Variants in TM4SF4 observed in about 807,000 individuals in gnomAD.
TM4SF4 encodes transmembrane 4 L six family member 4.
Under a neutral mutation model 24.1 loss-of-function variants are expected in TM4SF4, and 24 were observed. The observed-to-expected ratio is 1.00, with a 90% CI of 0.72 to 1.40. The LOEUF (loss-of-function observed/expected upper bound fraction) is 1.40, where lower values mean the gene tolerates loss of function less well. Among genes scored for constraint, TM4SF4 ranks in the 40% most tolerant of loss-of-function variants. The pLI, the probability that TM4SF4 is intolerant of heterozygous loss-of-function variation, is 0.00. For missense variants in TM4SF4, 254 were observed against 254.2 expected (o/e 1.00, Z 0.01); for synonymous variants, 113 against 97.0 (o/e 1.17, Z -0.97).
chr3:149,497,555 A>G (rs1382539473), intron 3 of TM4SF4, among the ~76,000 whole-genome samples: 1 of 152,222 alleles, frequency 6.6e-6, no homozygotes, highest in African/African-American at 2.4e-5. Context: ...AAGAATGTAA[A>G]GAGTCATAAT....
chr3:149,475,093 C>T, intron 1 of TM4SF4, 42 bp downstream of exon 1: 4 of 1,568,910 alleles, frequency 2.5e-6, no homozygotes, highest in Non-Finnish European at 2.6e-6. Flanking sequence ...GAGATTTTCC[C>T]TTCCCCACAA....
intron 3 of TM4SF4, among the ~76,000 whole-genome samples, chr3:149,493,058 T>C (rs928897589): frequency 1.3e-5 from 2 of 152,134 alleles, no homozygotes; most frequent in African/African-American, 4.8e-5. Flanking sequence ...CAGGTAAGAG[T>C]AAATAACACA....
intron 3 of TM4SF4, among the ~76,000 whole-genome samples, chr3:149,488,795 C>T (rs1283398135): frequency 6.6e-5 from 10 of 152,146 alleles, no homozygotes; most frequent in Admixed American, 3.3e-4. Flanking sequence ...CTCTGCCTGA[C>T]AGTGACTGGC....
At chr3:149,479,302 G>A (rs1387629430) in intron 2 of TM4SF4, among the ~76,000 whole-genome samples, 1 of 151,544 alleles carries the variant, frequency 6.6e-6, no homozygotes, top group Admixed American at 6.6e-5. Flanking sequence ...ACTCTTGTTT[G>A]CTTAATGTTA....
intron 2 of TM4SF4, among the ~76,000 whole-genome samples, chr3:149,484,583 G>T (rs1297526935): frequency 6.9e-6 from 1 of 144,740 alleles, no homozygotes; most frequent in Non-Finnish European, 1.5e-5. Context: ...GCGGAGTCTC[G>T]TTCTGTTGCC....
intron 2 of TM4SF4, among the ~76,000 whole-genome samples, chr3:149,476,792 G>GTTTTT (rs1222196664): frequency 9.7e-6 from 1 of 102,854 alleles, no homozygotes; most frequent in Non-Finnish European, 2.2e-5. Context: ...TTTCTTTTCT[G>GTTTTT]TTTTTTTTTG....
chr3:149,487,420 T>C (rs1276064552), intron 2 of TM4SF4, among the ~76,000 whole-genome samples, 199 bp from the exon 3 acceptor site: 1 of 151,732 alleles, frequency 6.6e-6, no homozygotes, highest in East Asian at 1.9e-4. Flanking sequence ...GAAAAAGAAA[T>C]GGAAATGGGA....
intron 2 of TM4SF4, among the ~76,000 whole-genome samples, chr3:149,483,731 T>C (rs1326208546): frequency 6.6e-6 from 1 of 152,160 alleles, no homozygotes; most frequent in Non-Finnish European, 1.5e-5. Flanking sequence ...TTATATAAAA[T>C]ATGAAATAAT....
At chr3:149,475,775 C>T in intron 1 of TM4SF4, 48 bp from the exon 2 acceptor site, 1 of 1,526,516 alleles carries the variant, frequency 6.6e-7, no homozygotes, top group Non-Finnish European at 8.9e-7. Flanking sequence ...GGCTCGGGCC[C>T]TCCCTTCAAC....
chr3:149,495,515 C>A, intron 3 of TM4SF4: 1 of 411,722 alleles, frequency 2.4e-6, no homozygotes, highest in South Asian at 2.3e-5. Context: ...TGAAATGCAC[C>A]ATGTTGCAAG....
At chr3:149,487,981 G>A (rs1012540468) in intron 3 of TM4SF4, among the ~76,000 whole-genome samples, 5 of 152,184 alleles carry the variant, frequency 3.3e-5, no homozygotes, top group African/African-American at 7.2e-5. Flanking sequence ...AAAAGAGGAC[G>A]GATGCCTCCT....
At position 149,479,529 on chromosome 3, in the gene TM4SF4, G is replaced by A. The variant is rs1478171947; in HGVS notation, c.264+3617G>A. 4.6e-5 allele frequency among the ~76,000 whole-genome samples: 7 copies of A among 152,076 alleles called. No individual in the cohort carries two copies. In the East Asian group the frequency reaches 1.4e-3, roughly 29 times the overall value. Reference sequence around the variant, plus strand: ...ACCTGGCTAATCATTTCTCCAAAATGAGGTATTTGCATTTTGTCAGACAAG... The same window carrying A: ...ACCTGGCTAATCATTTCTCCAAAATAAGGTATTTGCATTTTGTCAGACAAG... On this transcript the variant is annotated intron_variant, in intron 2 of 4. Coordinates refer to ENST00000305354, the MANE Select transcript of TM4SF4 (RefSeq NM_004617.4).
intron 2 of TM4SF4, among the ~76,000 whole-genome samples, chr3:149,476,808 G>T (rs140476207): frequency 0.019 from 891 of 47,042 alleles, 32 homozygotes; most frequent in Middle Eastern, 0.051. Flanking sequence ...TTTTGTTTTT[G>T]TTTTTGTTTT....
rs377610912 is a variant in TM4SF4, at chr3:149,476,019, TG to T, written c.264+110del. 21 of 895,240 alleles carry T rather than the reference TG, an allele frequency of 2.3e-5. No homozygotes were observed. In the African/African-American group the frequency reaches 3.1e-4, roughly 13 times the overall value. 55.5% of individuals were successfully genotyped at this position (895,240 alleles called of 1,614,324 possible). On this transcript the variant is annotated intron_variant, in intron 2 of 4. Coordinates refer to ENST00000305354, the MANE Select transcript of TM4SF4 (RefSeq NM_004617.4). ...AAGTTATCAGCTCCAGCCAGGACTC[TG>T]GGAGCAGCTGGTGAAGGGATAAAAC...
At chr3:149,484,694 G>A (rs1734087744) in intron 2 of TM4SF4, among the ~76,000 whole-genome samples, 1 of 152,062 alleles carries the variant, frequency 6.6e-6, no homozygotes, top group African/African-American at 2.4e-5. Context: ...TGGGAAAATA[G>A]GCATGCACCA....
At chr3:149,500,869 C>CA (rs1734406661) in intron 4 of TM4SF4, among the ~76,000 whole-genome samples, 1 of 151,948 alleles carries the variant, frequency 6.6e-6, no homozygotes, top group Non-Finnish European at 1.5e-5. Context: ...ACTAAAAATA[C>CA]AAAAAATTAA....
intron 3 of TM4SF4, among the ~76,000 whole-genome samples, chr3:149,493,221 A>T (rs1332519693): frequency 6.6e-6 from 1 of 152,208 alleles, no homozygotes; most frequent in African/African-American, 2.4e-5. Context: ...TGATTCTGTG[A>T]CTTAATTTCA....
At chr3:149,482,266 C>T (rs555167556) in intron 2 of TM4SF4, among the ~76,000 whole-genome samples, 3 of 152,318 alleles carry the variant, frequency 2.0e-5, no homozygotes, top group African/African-American at 7.2e-5. Context: ...GATCCAGATC[C>T]ATCTGCCTGT....
Position 149,474,767 on chromosome 3 carries a change from A to C in TM4SF4, c.-111A>C. The C allele has an allele frequency of 8.3e-7, 1 of 1,208,242 alleles. No homozygotes were observed. The highest frequency in any genetic ancestry group is 1.7e-5 in the South Asian group (1 of 57,638). The allele number at this position is 1,208,242 out of a possible 1,614,324, so 74.8% of individuals were successfully genotyped here. Reference sequence around the variant, plus strand: ...TTTGGTTCTCAGCCCCAAAATACTGATTGAATTGGAGACAATTACAAGGAC... The same window carrying C: ...TTTGGTTCTCAGCCCCAAAATACTGCTTGAATTGGAGACAATTACAAGGAC... On this transcript the variant is annotated 5_prime_UTR_variant, in exon 1 of 5. Coordinates refer to ENST00000305354, the MANE Select transcript of TM4SF4 (RefSeq NM_004617.4).
Sources: allele counts gnomAD v4.1 joint callset (sites outside exome capture counted in the v4.1 genomes callset), GRCh38; gene constraint gnomAD v4.1.1; transcripts MANE v1.5; gene names NCBI Gene and HGNC (gene_info 2026-07-23, HGNC 2026-07-21).